The following GRM1 variants were observed in gnomAD, a reference collection of about 807,000 sequenced individuals.
GRM1 encodes metabotropic glutamate receptor 1.
A neutral mutation model predicts 90.9 loss-of-function variants in GRM1; 33 were observed. That is an observed-to-expected ratio of 0.36 (90% CI 0.28 to 0.49). The LOEUF is 0.49. Among genes scored for constraint, GRM1 ranks in the 20% least tolerant of loss-of-function variants. GRM1 has a pLI of 0.99. For synonymous variants in GRM1, 700 were observed against 613.2 expected (o/e 1.14, Z -2.09); for missense variants, 1,190 against 1,534.3 (o/e 0.78, Z 3.75).
chr6:146,218,190 A>T (rs949754123), intron 2 of GRM1, among the ~76,000 whole-genome samples: 1 of 152,180 alleles, frequency 6.6e-6, no homozygotes, highest in Non-Finnish European at 1.5e-5. Context: ...AGGAATAGAC[A>T]CAAGGGTTGT....
chr6:146,374,798 A>G (rs551085874), intron 5 of GRM1, among the ~76,000 whole-genome samples: 9 of 151,818 alleles, frequency 5.9e-5, no homozygotes, highest in Non-Finnish European at 1.3e-4. Context: ...AACTCTGTTA[A>G]CTTTTCAAAA....
chr6:146,181,059 A>G (rs1243078996), intron 2 of GRM1, among the ~76,000 whole-genome samples: 2 of 152,180 alleles, frequency 1.3e-5, no homozygotes, highest in Admixed American at 6.6e-5. Context: ...CAAAGAAGAG[A>G]TGACACTATT....
chr6:146,118,140 C>CTTTTTTTTTTTTTTT (rs67033918), intron 1 of GRM1, among the ~76,000 whole-genome samples: 1 of 115,456 alleles, frequency 8.7e-6, no homozygotes, highest in Non-Finnish European at 1.7e-5. Flanking sequence ...TTCTTCTTTT[C>CTTTTTTTTTTTTTTT]TTTTTTTTTT....
intron 2 of GRM1, among the ~76,000 whole-genome samples, chr6:146,253,901 G>A (rs1272412506): frequency 2.0e-5 from 3 of 151,996 alleles, no homozygotes; most frequent in Non-Finnish European, 2.9e-5. Flanking sequence ...CCATACCTGT[G>A]AGATAATCTT....
At chr6:146,257,046 C>G (rs1410411504) in intron 2 of GRM1, among the ~76,000 whole-genome samples, 1 of 152,132 alleles carries the variant, frequency 6.6e-6, no homozygotes, top group African/African-American at 2.4e-5. Context: ...AATAGTCTCT[C>G]ATCCTTCTTT....
intron 2 of GRM1, among the ~76,000 whole-genome samples, chr6:146,185,059 G>A (rs760334979): frequency 1.3e-5 from 2 of 152,084 alleles, no homozygotes; most frequent in East Asian, 1.9e-4. Context: ...ATTTCCATGC[G>A]CACAATACAT....
At chr6:146,102,298 T>C (rs1777078498) in intron 1 of GRM1, among the ~76,000 whole-genome samples, 1 of 152,212 alleles carries the variant, frequency 6.6e-6, no homozygotes, top group Admixed American at 6.5e-5. Context: ...AACTTCATTA[T>C]ATCTAAGACC....
At chr6:146,160,690 A>G (rs1402986086) in intron 2 of GRM1, among the ~76,000 whole-genome samples, 4 of 152,176 alleles carry the variant, frequency 2.6e-5, no homozygotes, top group Admixed American at 6.5e-5. Context: ...TGTGTTTATA[A>G]TAATGACTGC....
In GRM1 at chr6:146,151,027, A is replaced by G. The variant is rs556880938; in HGVS notation, c.701-8321A>G. On this transcript the variant is annotated intron_variant, in intron 1 of 7. Transcript: ENST00000282753. ...ATACTTCAAATATGAAGGAGAAATA[A>G]AGACTTTCCAAGAAATATTTTTTAA... Among the ~76,000 whole-genome samples, 140 of 152,188 alleles carry G rather than the reference A, an allele frequency of 9.2e-4. 1 individual carries two copies. The highest frequency in any genetic ancestry group is 1.7e-3 in the Non-Finnish European group (115 of 67,992).
intron 5 of GRM1, among the ~76,000 whole-genome samples, chr6:146,361,215 C>T (rs1000269383): frequency 2.6e-5 from 4 of 152,082 alleles, no homozygotes; most frequent in African/African-American, 9.7e-5. Flanking sequence ...GTTCTGGAGC[C>T]CAGAGCCTAC....
intron 6 of GRM1, among the ~76,000 whole-genome samples, chr6:146,393,135 T>G (rs894673117): frequency 6.6e-6 from 1 of 152,194 alleles, no homozygotes; most frequent in African/African-American, 2.4e-5. Flanking sequence ...GTTGAACTAA[T>G]TTACACTCCT....
At chr6:146,344,740 G>A (rs1435040056) in intron 3 of GRM1, among the ~76,000 whole-genome samples, 1 of 152,122 alleles carries the variant, frequency 6.6e-6, no homozygotes, top group Non-Finnish European at 1.5e-5. Context: ...TCTACATAAA[G>A]TACCAACTAA....
chr6:146,359,526 G>C (rs569126164), intron 5 of GRM1, among the ~76,000 whole-genome samples: 2 of 152,256 alleles, frequency 1.3e-5, no homozygotes, highest in East Asian at 3.9e-4. Flanking sequence ...GGTTATATAT[G>C]GAAAAAATAA....
Position 146,029,590 on chromosome 6 carries a change from A to C in GRM1, c.73A>C (p.Arg25=), listed in dbSNP as rs1790637977. ...EVSLLPRSPG[R]KVLLAGASSQ... is the part of the protein sequence containing the mutation. Reference sequence around the variant, plus strand: ...GTCCCTTCTCCCCAGAAGCCCCGGCAGGAAAGTGTTGCTGGCAGGAGCGTC... The same window carrying C: ...GTCCCTTCTCCCCAGAAGCCCCGGCCGGAAAGTGTTGCTGGCAGGAGCGTC... The change falls in exon 1 of 8, where the codon AGG becomes CGG. Residue 25 remains arginine, a synonymous_variant. Coordinates refer to ENST00000282753, the MANE Select transcript of GRM1 (RefSeq NM_001278064.2). 1 of 1,614,012 alleles carries C rather than the reference A, an allele frequency of 6.2e-7. No individual in the cohort carries two copies.
chr6:146,405,710 G>GTTTA (rs3831831), intron 7 of GRM1, among the ~76,000 whole-genome samples: 22,329 of 151,890 alleles, frequency 0.15, 3,358 homozygotes, highest in African/African-American at 0.37. Context: ...TTGTTTGTTT[G>GTTTA]TTTGTTTGTT....
At chr6:146,379,558 TC>T (rs1319750969) in intron 5 of GRM1, among the ~76,000 whole-genome samples, 1 of 152,184 alleles carries the variant, frequency 6.6e-6, no homozygotes, top group East Asian at 1.9e-4. Flanking sequence ...TATCTCTGTT[TC>T]TCCAAGATTG....
At chr6:146,052,276 A>C (rs1775319288) in intron 1 of GRM1, among the ~76,000 whole-genome samples, 1 of 151,102 alleles carries the variant, frequency 6.6e-6, no homozygotes, top group Non-Finnish European at 1.5e-5. Flanking sequence ...TGGGCCATAA[A>C]TTCAGCCTCT....
intron 1 of GRM1, among the ~76,000 whole-genome samples, chr6:146,039,433 GA>G (rs2128840021): frequency 6.6e-6 from 1 of 151,894 alleles, no homozygotes; most frequent in East Asian, 1.9e-4. Flanking sequence ...AGACCAAACT[GA>G]AAAGAGAGAA....
In GRM1 at chr6:146,074,117, C is replaced by A. The variant is rs1776105269; in HGVS notation, c.700+43900C>A. ...AGAGATACCGAGATAAAAAGACCTG[C>A]TTAACATAGGAGGTCATTATCCTGG... is the stretch of plus-strand genomic sequence containing the variant. On this transcript the variant is annotated intron_variant, in intron 1 of 7. Coordinates refer to ENST00000282753, the MANE Select transcript of GRM1 (RefSeq NM_001278064.2). Among the ~76,000 whole-genome samples, 3 of 152,114 alleles carry A rather than the reference C, an allele frequency of 2.0e-5. No homozygotes were observed. In the South Asian group the frequency reaches 6.2e-4, roughly 32 times the overall value.
Sources: gnomAD v4.1 joint callset for allele counts (sites outside exome capture counted in the v4.1 genomes callset) on GRCh38, gnomAD v4.1.1 for gene constraint, MANE v1.5 for transcripts, NCBI Gene and HGNC (gene_info 2026-07-23, HGNC 2026-07-21) for gene names.